PHF20: variants seen among roughly 807,000 people sequenced by gnomAD.
PHF20 encodes PHD finger protein 20.
A neutral mutation model predicts 113.5 loss-of-function variants in PHF20; 23 were observed. The ratio of observed to expected loss-of-function variants is 0.20; its 90% CI spans 0.15 to 0.29. The LOEUF (loss-of-function observed/expected upper bound fraction) is 0.29, where lower values mean the gene tolerates loss of function less well. Among genes scored for constraint, PHF20 ranks in the 10% least tolerant of loss-of-function variants. The probability of loss-of-function intolerance (pLI) is 1.00; values close to 1 mark genes in which losing one functional copy is unlikely to be tolerated. For synonymous variants in PHF20, 434 were observed against 457.3 expected, an observed-to-expected ratio of 0.95 and a Z score of 0.65; for missense variants, 943 against 1,219.6, an observed-to-expected ratio of 0.77 and a Z score of 3.38.
At chr20:35,938,394 T>A (rs995082274) in intron 15 of PHF20, among the ~76,000 whole-genome samples, 2 of 152,112 alleles carry the variant, frequency 1.3e-5, no homozygotes, top group African/African-American at 4.8e-5. Flanking sequence ...TTAGCCCAGT[T>A]TCACAGAGGA....
chr20:35,774,356 C>G (rs1406483170), intron 1 of PHF20: 1 of 152,304 alleles, frequency 6.6e-6, no homozygotes, highest in East Asian at 1.9e-4. Flanking sequence ...CAGGCGTGAG[C>G]CACCAAGCCC....
intron 2 of PHF20, among the ~76,000 whole-genome samples, chr20:35,836,019 C>T (rs1160964962): frequency 2.7e-5 from 4 of 150,936 alleles, no homozygotes; most frequent in Admixed American, 2.6e-4. Flanking sequence ...TTATTATTAC[C>T]TGTTTTTTAG....
chr20:35,845,842 A>G (rs534839008), intron 3 of PHF20, among the ~76,000 whole-genome samples: 1 of 143,880 alleles, frequency 7.0e-6, no homozygotes, highest in Non-Finnish European at 1.5e-5. Context: ...CAGTGGCATG[A>G]TCTTGACTCA....
In PHF20 at chr20:35,871,084, A is replaced by T. The variant is rs1277469074; in HGVS notation, c.1052A>T (p.Asp351Val). The T allele has an allele frequency of 6.2e-7, 1 of 1,613,170 alleles. No individual in the cohort carries two copies. The highest frequency in any genetic ancestry group is 8.5e-7 in the Non-Finnish European group (1 of 1,179,862). The change falls in exon 8 of 18, where the codon GAT (aspartate) becomes GTT (valine). Residue 351 changes from aspartate to valine, a missense_variant. Asp to Val is a radical substitution (Grantham distance 152). This residue lies in a region of PHF20 where 592 missense variants were observed against 787.2 expected (regional missense o/e 0.75). Coordinates refer to ENST00000374012, the MANE Select transcript of PHF20 (RefSeq NM_016436.5). ...DPDLVVSDLVDTDPLQDTLSS... is the reference protein window; with the variant it reads ...DPDLVVSDLVVTDPLQDTLSS... ...GACTTGGTTGTATCAGATTTGGTTG[A>T]TACGGATCCTTTGCAAGACACGTTG...
intron 9 of PHF20, among the ~76,000 whole-genome samples, chr20:35,880,996 T>G (rs1421408983): frequency 6.6e-6 from 1 of 151,012 alleles, no homozygotes; most frequent in Non-Finnish European, 1.5e-5. Flanking sequence ...TTTTAGAAAG[T>G]ACTTTTTCTG....
chr20:35,933,563 A>AT (rs1356026099), intron 15 of PHF20, among the ~76,000 whole-genome samples: 1 of 151,738 alleles, frequency 6.6e-6, no homozygotes, highest in African/African-American at 2.4e-5. Context: ...CGCCCGGCTA[A>AT]TTTTTTTGTA....
intron 1 of PHF20, among the ~76,000 whole-genome samples, chr20:35,796,924 G>C (rs1024615891): frequency 1.3e-5 from 2 of 152,048 alleles, no homozygotes; most frequent in Non-Finnish European, 2.9e-5. Flanking sequence ...CATTACATTA[G>C]TCCTAATTAT....
chr20:35,796,945 A>C (rs2041677948), intron 1 of PHF20, among the ~76,000 whole-genome samples: 1 of 152,170 alleles, frequency 6.6e-6, no homozygotes, highest in Non-Finnish European at 1.5e-5. Flanking sequence ...ATAATCTGGC[A>C]GTTGTGAAGA....
In PHF20 at chr20:35,844,847, G is replaced by A. The variant is rs1471334460; in HGVS notation, c.255+2103G>A. Among the ~76,000 whole-genome samples, 3 of 151,906 alleles carry A rather than the reference G, an allele frequency of 2.0e-5. No individual in the cohort carries two copies. The East Asian group carries it at 5.8e-4, about 29-fold the overall frequency. On this transcript the variant is annotated intron_variant, in intron 3 of 17. Transcript: ENST00000374012. ...TTAAGTGTATGATTTCATAAGTTTT[G>A]TGTAATAAGCTTAAATTTAATAAGC...
chr20:35,831,092 C>T (rs767148141), intron 2 of PHF20, among the ~76,000 whole-genome samples: 6 of 152,222 alleles, frequency 3.9e-5, no homozygotes, highest in Non-Finnish European at 5.9e-5. Context: ...AGGTTAGTTA[C>T]AAATATACAC....
intron 2 of PHF20, among the ~76,000 whole-genome samples, chr20:35,807,002 A>G (rs181064851): frequency 2.7e-4 from 41 of 151,836 alleles, no homozygotes; most frequent in African/African-American, 8.7e-4. Flanking sequence ...TCACTGTGTT[A>G]GCCAGGATGG....
chr20:35,944,204 G>C (rs116967466), intron 17 of PHF20, among the ~76,000 whole-genome samples: 3,653 of 152,234 alleles, frequency 0.024, 71 homozygotes, highest in Middle Eastern at 0.058. Flanking sequence ...TGGATGCTGG[G>C]GTCCAGAGGA....
rs1191587704 is a variant in PHF20 at position 35,885,114 on chromosome 20, A to G, written c.1282+13285A>G. 8.5e-5 allele frequency among the ~76,000 whole-genome samples: 13 copies of G among 152,176 alleles called. 1 individual carries two copies. On this transcript the variant is annotated intron_variant, in intron 9 of 17. Transcript: ENST00000374012. ...CTCCCAAAGTACTGGGATTACAGGC[A>G]TGAGCCACCATGCCCAGCCCTCTCC...
chr20:35,847,273 T>G, intron 3 of PHF20, 77 bp from the exon 4 acceptor site: 21 of 894,922 alleles, frequency 2.3e-5, no homozygotes, highest in Non-Finnish European at 2.8e-5. Context: ...GCTTCTTTTA[T>G]GAGATCTGGT....
intron 4 of PHF20, among the ~76,000 whole-genome samples, chr20:35,857,958 G>C (rs2042869240): frequency 6.6e-6 from 1 of 152,094 alleles, no homozygotes. Context: ...AATTCACCAA[G>C]GAATAAATAA....
chr20:35,784,064 T>C (rs1258620368), intron 1 of PHF20, among the ~76,000 whole-genome samples: 1 of 151,658 alleles, frequency 6.6e-6, no homozygotes, highest in Non-Finnish European at 1.5e-5. Context: ...TGTGTTTTTT[T>C]TTTTTTTGAG....
intron 10 of PHF20, 118 bp from the exon 11 acceptor site, chr20:35,913,130 TC>T: frequency 1.1e-5 from 5 of 467,406 alleles, no homozygotes; most frequent in South Asian, 5.0e-5. Context: ...ACTGGAGCAA[TC>T]TGCTCCAGAC....
In PHF20 at chr20:35,914,022, T is replaced by G. The variant is rs758607019; in HGVS notation, c.1661-11T>G. The G allele has an allele frequency of 7.4e-6, 12 of 1,613,660 alleles. No homozygotes were observed. Reference sequence around the variant, plus strand: ...AGGGTTATTCATTCCTTCCTGATCCTGTTCTTCCAGAATGCCCCTGCAGTG... The same window carrying G: ...AGGGTTATTCATTCCTTCCTGATCCGGTTCTTCCAGAATGCCCCTGCAGTG... On this transcript the variant is annotated splice_polypyrimidine_tract_variant and intron_variant, in intron 11 of 17. Coordinates refer to ENST00000374012, the MANE Select transcript of PHF20 (RefSeq NM_016436.5).
chr20:35,885,802 C>T (rs1052149285), intron 9 of PHF20, among the ~76,000 whole-genome samples: 4 of 152,032 alleles, frequency 2.6e-5, no homozygotes, highest in African/African-American at 9.7e-5. Flanking sequence ...ATAATGAATA[C>T]ATTTCTTGTG....
Sources: gnomAD v4.1 joint callset for allele counts (sites outside exome capture counted in the v4.1 genomes callset) on GRCh38, gnomAD v4.1.1 for gene constraint, gnomAD v4.1.1 regional missense constraint, MANE v1.5 for transcripts, NCBI Gene and HGNC (gene_info 2026-07-23, HGNC 2026-07-21) for gene names.